NTRK2: variants seen among roughly 807,000 people sequenced by gnomAD.
NTRK2 encodes the protein neurotrophic receptor tyrosine kinase 2, also known as BDNF/NT-3 growth factors receptor.
NTRK2 carries 13 observed loss-of-function variants against 94.5 expected under a neutral mutation model. The observed-to-expected ratio is 0.14, with a 90% confidence interval of 0.09 to 0.22. The LOEUF (loss-of-function observed/expected upper bound fraction) is 0.22, where lower values mean the gene tolerates loss of function less well. Ranked by LOEUF, NTRK2 falls within the 10% of genes least tolerant of loss-of-function variation. The probability of loss-of-function intolerance (pLI) is 1.00; values close to 1 mark genes in which losing one functional copy is unlikely to be tolerated. For synonymous variants in NTRK2, 372 were observed against 407.4 expected (o/e 0.91, Z 1.05); for missense variants, 639 against 1,071.2 (o/e 0.60, Z 5.63).
chr9:84,945,467 C>G (rs1246741368), intron 15 of NTRK2, among the ~76,000 whole-genome samples: 1 of 152,122 alleles, frequency 6.6e-6, no homozygotes, highest in Non-Finnish European at 1.5e-5. Flanking sequence ...AGGAGAAGGA[C>G]CCAGCAGATA....
At chr9:84,705,355 C>G (rs2131738374) in intron 4 of NTRK2, among the ~76,000 whole-genome samples, 1 of 152,298 alleles carries the variant, frequency 6.6e-6, no homozygotes, top group South Asian at 2.1e-4. Context: ...AGGGACTTTG[C>G]AGAGGTGCTA....
chr9:84,767,983 G>T (rs1370986126), intron 12 of NTRK2, among the ~76,000 whole-genome samples: 2 of 152,196 alleles, frequency 1.3e-5, no homozygotes, highest in Non-Finnish European at 2.9e-5. Context: ...AGATGGATCT[G>T]CTGTGTACAG....
intron 17 of NTRK2, among the ~76,000 whole-genome samples, chr9:84,989,013 G>A (rs1042102789): frequency 6.6e-6 from 1 of 152,214 alleles, no homozygotes; most frequent in Admixed American, 6.5e-5. Flanking sequence ...GGAGCTGGAA[G>A]AGAAACAACC....
intron 12 of NTRK2, among the ~76,000 whole-genome samples, chr9:84,753,268 T>C (rs773830820): frequency 6.6e-6 from 1 of 151,952 alleles, no homozygotes; most frequent in Non-Finnish European, 1.5e-5. Context: ...TAAATAAAGC[T>C]TGGGAGAGGG....
chr9:85,006,146 G>A (rs1353015176), intron 17 of NTRK2, among the ~76,000 whole-genome samples: 2 of 152,218 alleles, frequency 1.3e-5, no homozygotes, highest in Non-Finnish European at 2.9e-5. Flanking sequence ...TGCAATAAGT[G>A]TTTAAGAAGT....
chr9:84,924,254 A>C (rs1004212431), intron 14 of NTRK2, among the ~76,000 whole-genome samples: 62 of 150,464 alleles, frequency 4.1e-4, no homozygotes, highest in African/African-American at 1.5e-3. Context: ...AAAGAAAGAA[A>C]GAAAGAAAGA....
At chr9:84,884,285 C>T (rs920420709) in intron 14 of NTRK2, among the ~76,000 whole-genome samples, 1 of 152,112 alleles carries the variant, frequency 6.6e-6, no homozygotes, top group Admixed American at 6.5e-5. Flanking sequence ...TATAATATAA[C>T]CTGCTCTTAT....
intron 12 of NTRK2, among the ~76,000 whole-genome samples, chr9:84,827,638 C>G (rs1007054893): frequency 1.3e-5 from 2 of 152,192 alleles, no homozygotes; most frequent in Non-Finnish European, 2.9e-5. Context: ...ATCTGTAACC[C>G]TTGGGGTGGA....
chr9:84,750,161 G>T (rs2064457157), intron 11 of NTRK2, among the ~76,000 whole-genome samples: 1 of 152,294 alleles, frequency 6.6e-6, no homozygotes, highest in Admixed American at 6.5e-5. Flanking sequence ...GGGCACAGTA[G>T]GATGTTAATA....
chr9:84,945,022 C>T (rs1178745785), intron 15 of NTRK2, among the ~76,000 whole-genome samples: 1 of 152,192 alleles, frequency 6.6e-6, no homozygotes, highest in Non-Finnish European at 1.5e-5. Flanking sequence ...TAAGCTAGAA[C>T]CCCTTCCGTT....
chr9:85,025,347 C>G lies in NTRK2; in HGVS notation c.*3910C>G, dbSNP rs942328960. 1.7e-5 allele frequency: 4 copies of G among 233,102 alleles called. No homozygotes were observed. The highest frequency in any genetic ancestry group is 3.4e-5 in the Non-Finnish European group (4 of 118,012). The allele number at this position is 233,102 out of a possible 1,614,324, so 14.4% of individuals were successfully genotyped here. The stretch of plus-strand genomic sequence containing the variant: ...CCTTGTCTCTGTCTCACTGTGACCC[C>G]TTTACACTTGAGTTCAGAGTTCAAG... On this transcript the variant is annotated 3_prime_UTR_variant, in exon 19 of 19. Coordinates refer to ENST00000277120, the MANE Select transcript of NTRK2 (RefSeq NM_006180.6).
intron 12 of NTRK2, among the ~76,000 whole-genome samples, chr9:84,769,178 C>T (rs986748340): frequency 2.6e-5 from 4 of 152,034 alleles, no homozygotes; most frequent in African/African-American, 9.7e-5. Flanking sequence ...TTAAATTGTA[C>T]GTGGTCAAAT....
At chr9:84,761,700 C>G (rs1232857887) in intron 12 of NTRK2, among the ~76,000 whole-genome samples, 1 of 152,192 alleles carries the variant, frequency 6.6e-6, no homozygotes, top group East Asian at 1.9e-4. Context: ...AATACTGCAT[C>G]TGGAGCCAAC....
intron 12 of NTRK2, chr9:84,814,405 T>C: frequency 9.4e-7 from 1 of 1,065,806 alleles, no homozygotes; most frequent in Non-Finnish European, 1.1e-6. Flanking sequence ...TTCTCTCTCC[T>C]CTTCTTTTCT....
chr9:84,937,550 T>A (rs1032039518), intron 15 of NTRK2, among the ~76,000 whole-genome samples: 7 of 152,290 alleles, frequency 4.6e-5, no homozygotes, highest in Admixed American at 3.9e-4. Context: ...TGAGCATGCC[T>A]CTCCCATCAG....
At chr9:84,939,067 A>AG (rs1554772370) in intron 15 of NTRK2, among the ~76,000 whole-genome samples, 27 of 144,658 alleles carry the variant, frequency 1.9e-4, no homozygotes, top group African/African-American at 5.4e-4. Context: ...AAAAAAAAAA[A>AG]AAAAGAAAAG....
At chr9:84,698,069 T>C (rs1297131470) in intron 2 of NTRK2, among the ~76,000 whole-genome samples, 3 of 152,170 alleles carry the variant, frequency 2.0e-5, no homozygotes, top group Admixed American at 6.5e-5. Context: ...TTTTAAGCTA[T>C]TTTTTCTTTT....
At chr9:85,003,315 A>G (rs1830528590) in intron 17 of NTRK2, among the ~76,000 whole-genome samples, 1 of 152,346 alleles carries the variant, frequency 6.6e-6, no homozygotes, top group South Asian at 2.1e-4. Flanking sequence ...TATTTCAACA[A>G]CTGTTTATAC....
rs538637578 is a variant in NTRK2 at position 84,962,838 on chromosome 9, A to G, written c.2172+7321A>G. ...AGAGCATCCAATTTGGAGCCTGAAG[A>G]CAGATATTCAAGTCTCTGATTTCCT... On this transcript the variant is annotated intron_variant, in intron 17 of 18. Transcript: ENST00000277120. Among the ~76,000 whole-genome samples the G allele has an allele frequency of 2.7e-4, 41 of 152,350 alleles. 1 individual carries two copies. The South Asian group carries it at 7.5e-3, about 28-fold the overall frequency.
Sources: gnomAD v4.1 joint callset for allele counts (sites outside exome capture counted in the v4.1 genomes callset) on GRCh38, gnomAD v4.1.1 for gene constraint, MANE v1.5 for transcripts, NCBI Gene and HGNC (gene_info 2026-07-23, HGNC 2026-07-21) for gene names.